CRLF2: variants seen among roughly 807,000 people sequenced by gnomAD.
CRLF2 encodes cytokine receptor like factor 2.
CRLF2 carries 41 observed loss-of-function variants against 38.7 expected under a neutral mutation model. That is an observed-to-expected ratio of 1.06 (90% CI 0.83 to 1.37). The LOEUF (loss-of-function observed/expected upper bound fraction) is 1.37, where lower values mean the gene tolerates loss of function less well. Among genes scored for constraint, CRLF2 ranks in the 40% most tolerant of loss-of-function variants. The pLI, the probability that CRLF2 is intolerant of heterozygous loss-of-function variation, is 0.00. For missense variants in CRLF2, 377 were observed against 322.2 expected (o/e 1.17, Z -1.30); for synonymous variants, 140 against 128.8 (o/e 1.09, Z -0.59).
rs1443014639 is a variant in CRLF2 at position 1,201,516 on chromosome X, C to T, written c.483+886G>A. Among the ~76,000 whole-genome samples the T allele has an allele frequency of 7.6e-3, 49 of 6,488 alleles. 6 individuals carry two copies. In the East Asian group the frequency reaches 0.24, roughly 32 times the overall value. 4.3% of individuals were successfully genotyped at this position (6,488 alleles called of 152,430 possible). A position where few individuals can be genotyped will look rare whatever the true frequency, so the allele number is the denominator to read the frequency against. On this transcript the variant is annotated intron_variant, in intron 4 of 7. Transcript: ENST00000400841. ...GATAGATGATACATAGATGATAGAG[C>T]GATGAGAGAGAGATAGATGATACAT...
chrX:1,197,953 G>C (rs1186412058), intron 5 of CRLF2, among the ~76,000 whole-genome samples: 30 of 152,262 alleles, frequency 2.0e-4, no homozygotes, highest in Middle Eastern at 3.4e-3. Flanking sequence ...AGGGAGCCGA[G>C]ATCGCGCCAC....
chrX:1,192,690 T>C (rs1374849061), intron 7 of CRLF2, among the ~76,000 whole-genome samples: 20 of 150,736 alleles, frequency 1.3e-4, no homozygotes, highest in African/African-American at 3.9e-4. Context: ...TTTTTCTCTT[T>C]CTTTTTCTTT....
In CRLF2 at chrX:1,206,467, G is replaced by C. The variant is rs768091891; in HGVS notation, c.315C>G (p.Pro105=). Reference sequence around the variant, plus strand: ...CCATCCAGCGACTTGCGGTGAAAACGGGGTGCGTCCCATTCCTGATGGAGA... The same window carrying C: ...CCATCCAGCGACTTGCGGTGAAAACCGGGTGCGTCCCATTCCTGATGGAGA... The part of the protein sequence containing the change: ...LYFSIRNGTH[P]VFTASRWMVY... The change falls in exon 3 of 8, where the codon CCC becomes CCG. Residue 105 remains proline (P), a synonymous_variant. Coordinates refer to ENST00000400841, the MANE Select transcript of CRLF2 (RefSeq NM_022148.4). The C allele has an allele frequency of 1.2e-6, 2 of 1,613,476 alleles. No homozygotes were observed. The highest frequency in any genetic ancestry group is 1.1e-5 in the South Asian group (1 of 91,070).
chrX:1,192,613 T>C (rs1300264472), intron 7 of CRLF2, among the ~76,000 whole-genome samples: 1 of 150,856 alleles, frequency 6.6e-6, no homozygotes, highest in African/African-American at 2.4e-5. Flanking sequence ...TTTCTTTCTT[T>C]CCTTCTTTCT....
At chrX:1,191,758 C>T (rs2086384890) in intron 7 of CRLF2, among the ~76,000 whole-genome samples, 4 of 151,528 alleles carry the variant, frequency 2.6e-5, no homozygotes, top group East Asian at 4.0e-4. Context: ...CTCGAACTCC[C>T]GACCTCAGGT....
At chrX:1,192,171 C>T (rs1216479838) in intron 7 of CRLF2, among the ~76,000 whole-genome samples, 3 of 139,412 alleles carry the variant, frequency 2.2e-5, no homozygotes, top group South Asian at 2.3e-4. Context: ...CGCCACTGCA[C>T]TCCAGCCTGG....
intron 3 of CRLF2, among the ~76,000 whole-genome samples, chrX:1,203,486 A>C (rs2086643718): frequency 6.6e-6 from 1 of 152,098 alleles, no homozygotes; most frequent in Admixed American, 6.6e-5. Context: ...GGCTCTCTGC[A>C]GATGTAATTA....
At chrX:1,200,045 A>T (rs1404855934) in intron 4 of CRLF2, among the ~76,000 whole-genome samples, 13 of 138,276 alleles carry the variant, frequency 9.4e-5, no homozygotes, top group African/African-American at 3.4e-4. Flanking sequence ...GTGTGTGTAT[A>T]TATGTGTGTA....
chrX:1,198,545 C>T lies in CRLF2; in HGVS notation c.646+17G>A, dbSNP rs758123599. ...TGGTGACAAGGCTATGGGACACTGC[C>T]GCGTAACAAGCATTACCCCGAATCT... On this transcript the variant is annotated intron_variant, in intron 5 of 7. Coordinates refer to ENST00000400841, the MANE Select transcript of CRLF2 (RefSeq NM_022148.4). 102 of 1,613,230 alleles carry T rather than the reference C, an allele frequency of 6.3e-5. No individual in the cohort carries two copies. The highest frequency in any genetic ancestry group is 3.3e-4 in the Middle Eastern group (2 of 6,056).
At chrX:1,204,096 A>AAAAAAAAAAAAAG (rs370190016) in intron 3 of CRLF2, among the ~76,000 whole-genome samples, 5 of 133,436 alleles carry the variant, frequency 3.7e-5, no homozygotes, top group South Asian at 4.7e-4. Flanking sequence ...TCTCAAAAAA[A>AAAAAAAAAAAAAG]AGAGAGAACA....
intron 4 of CRLF2, among the ~76,000 whole-genome samples, chrX:1,201,596 TAG>T (rs747012767): frequency 3.7e-5 from 1 of 26,902 alleles, no homozygotes; most frequent in African/African-American, 1.0e-4. Context: ...AGAGCAATGA[TAG>T]AGAGATAGAT....
At chrX:1,200,419 T>C (rs1178859883) in intron 4 of CRLF2, among the ~76,000 whole-genome samples, 7 of 108,828 alleles carry the variant, frequency 6.4e-5, no homozygotes, top group Non-Finnish European at 1.0e-4. Flanking sequence ...ATATAAGCTG[T>C]GTATATGTGT....
In CRLF2 at chrX:1,202,505, A is replaced by T. The variant is rs2086626293; in HGVS notation, c.380T>A (p.Phe127Tyr). The stretch of plus-strand genomic sequence containing the variant: ...CGTCACTGCATCCTGATGCCACGAA[A>T]ATCTCACGTGCTTCGGGGAACTGGG... The part of the protein sequence containing the change: ...LKPSSPKHVR[F>Y]SWHQDAVTVT... The change falls in exon 4 of 8, where the codon TTT (phenylalanine) becomes TAT (tyrosine). Residue 127 changes from phenylalanine (F) to tyrosine (Y), a missense_variant. Phe to Tyr is a conservative substitution (Grantham distance 22, BLOSUM62 3). Coordinates refer to ENST00000400841, the MANE Select transcript of CRLF2 (RefSeq NM_022148.4). 2.5e-6 allele frequency: 4 copies of T among 1,613,550 alleles called. No homozygotes were observed. In the Admixed American group the frequency reaches 6.7e-5, roughly 27 times the overall value.
At chrX:1,198,446 C>T (rs1420078043) in intron 5 of CRLF2, 116 bp downstream of exon 5, 1 of 853,052 alleles carries the variant, frequency 1.2e-6, no homozygotes, top group African/African-American at 1.7e-5. Flanking sequence ...GCAGGACACC[C>T]TCCCTCCCAC....
chrX:1,210,540 G>C (rs2086779174), intron 1 of CRLF2, among the ~76,000 whole-genome samples: 1 of 152,066 alleles, frequency 6.6e-6, no homozygotes, highest in African/African-American at 2.4e-5. Context: ...TCCATCTCCT[G>C]ACCTTGTGAT....
At chrX:1,192,705 T>C (rs1190251912) in intron 7 of CRLF2, among the ~76,000 whole-genome samples, 1 of 143,254 alleles carries the variant, frequency 7.0e-6, no homozygotes, top group Non-Finnish European at 1.5e-5. Flanking sequence ...TTCTTTTCTT[T>C]TCTTTTCTTT....
intron 4 of CRLF2, among the ~76,000 whole-genome samples, chrX:1,202,055 T>C (rs1187375609): frequency 6.6e-6 from 1 of 151,664 alleles, no homozygotes; most frequent in African/African-American, 2.4e-5. Flanking sequence ...ATGAGATAGA[T>C]AGATGATAGA....
At chrX:1,202,564 T>C in intron 3 of CRLF2, 29 bp from the exon 4 acceptor site, 1 of 1,613,384 alleles carries the variant, frequency 6.2e-7, no homozygotes, top group Non-Finnish European at 8.5e-7. Context: ...GGAAGCGACG[T>C]CCCTCCTCTC....
intron 6 of CRLF2, among the ~76,000 whole-genome samples, chrX:1,194,942 G>T (rs1308454948): frequency 2.6e-5 from 4 of 152,130 alleles, no homozygotes; most frequent in African/African-American, 9.7e-5. Flanking sequence ...TGAGGCAGGA[G>T]AATTGCTTGA....
Sources: allele counts gnomAD v4.1 joint callset (sites outside exome capture counted in the v4.1 genomes callset), GRCh38; gene constraint gnomAD v4.1.1; transcripts MANE v1.5; gene names NCBI Gene and HGNC (gene_info 2026-07-23, HGNC 2026-07-21).